NELL2: variants seen among roughly 807,000 people sequenced by gnomAD.
NELL2 encodes neural EGFL like 2.
NELL2 carries 41 observed loss-of-function variants against 109.6 expected under a neutral mutation model. The observed-to-expected ratio is 0.37, with a 90% CI of 0.29 to 0.49. The LOEUF is 0.49. Ranked by LOEUF, NELL2 falls within the 20% of genes least tolerant of loss-of-function variation. The pLI, the probability that NELL2 is intolerant of heterozygous loss-of-function variation, is 0.98. For missense variants in NELL2, 900 were observed against 1,008.3 expected (o/e 0.89, Z 1.45); for synonymous variants, 355 against 344.7 (o/e 1.03, Z -0.33).
At chr12:44,672,084 C>T (rs1187734050) in intron 12 of NELL2, among the ~76,000 whole-genome samples, 1 of 152,206 alleles carries the variant, frequency 6.6e-6, no homozygotes, top group African/African-American at 2.4e-5. Flanking sequence ...GATAGGAAAG[C>T]AGCTTCAGTG....
chr12:44,766,708 C>A (rs766221794), intron 9 of NELL2, among the ~76,000 whole-genome samples: 1 of 152,132 alleles, frequency 6.6e-6, no homozygotes, highest in South Asian at 2.1e-4. Context: ...TATTTCAAAG[C>A]CTTATGATAC....
Position 44,682,669 on chromosome 12 carries a change from A to G in NELL2, c.1319-17060T>C, listed in dbSNP as rs191962509. ...CAGTTTCCCCAGCACCATTTATTAA[A>G]TAGGGAATCCTTTCCCCATTTCTTG... is the stretch of plus-strand genomic sequence containing the variant. On this transcript the variant is annotated intron_variant, in intron 12 of 19. Coordinates refer to ENST00000429094, the MANE Select transcript of NELL2 (RefSeq NM_001145108.2). Among the ~76,000 whole-genome samples, 112 of 152,326 alleles carry G rather than the reference A, an allele frequency of 7.4e-4. 1 individual carries two copies. The highest frequency in any genetic ancestry group is 3.7e-3 in the Admixed American group (56 of 15,298).
chr12:44,753,428 C>T (rs1940743643), intron 9 of NELL2, among the ~76,000 whole-genome samples: 1 of 152,104 alleles, frequency 6.6e-6, no homozygotes, highest in African/African-American at 2.4e-5. Flanking sequence ...ACTGGTTTTT[C>T]TTTTACTATT....
chr12:44,733,838 T>C (rs2136479503), intron 9 of NELL2, among the ~76,000 whole-genome samples: 1 of 152,080 alleles, frequency 6.6e-6, no homozygotes, highest in African/African-American at 2.4e-5. Flanking sequence ...CTGCCACTGA[T>C]TTCTAGTTTA....
chr12:44,617,862 T>C (rs1024274662), intron 13 of NELL2, among the ~76,000 whole-genome samples: 4 of 152,098 alleles, frequency 2.6e-5, no homozygotes, highest in African/African-American at 9.7e-5. Context: ...CTCTTTTCCA[T>C]TTCATTTTAA....
At chr12:44,781,888 A>C (rs922601986) in intron 3 of NELL2, among the ~76,000 whole-genome samples, 3 of 152,068 alleles carry the variant, frequency 2.0e-5, no homozygotes, top group Admixed American at 1.3e-4. Flanking sequence ...CCTATTTTAA[A>C]AGAACAGCAA....
intron 2 of NELL2, 41 bp downstream of exon 2, chr12:44,875,184 G>C (rs1310395305): frequency 4.4e-6 from 7 of 1,586,762 alleles, no homozygotes; most frequent in African/African-American, 1.3e-5. Flanking sequence ...CGGGGTTATC[G>C]GAACTGAAAT....
At chr12:44,645,696 T>C (rs1421020763) in intron 13 of NELL2, among the ~76,000 whole-genome samples, 6 of 152,178 alleles carry the variant, frequency 3.9e-5, no homozygotes, top group Non-Finnish European at 2.9e-5. Context: ...GCACTTTAAA[T>C]ACCTTTTAAT....
intron 19 of NELL2, among the ~76,000 whole-genome samples, chr12:44,515,225 C>T (rs561740698): frequency 3.6e-4 from 54 of 151,850 alleles, no homozygotes; most frequent in African/African-American, 1.2e-3. Context: ...AAGAACAATA[C>T]ATTTTCTATT....
At chr12:44,769,797 A>C (rs796529491) in intron 9 of NELL2, among the ~76,000 whole-genome samples, 1 of 152,166 alleles carries the variant, frequency 6.6e-6, no homozygotes. Context: ...TCTGCAGTGG[A>C]CGTCAAAATG....
intron 2 of NELL2, among the ~76,000 whole-genome samples, chr12:44,816,717 T>C (rs577151975): frequency 9.2e-5 from 14 of 152,312 alleles, no homozygotes; most frequent in African/African-American, 2.6e-4. Flanking sequence ...TATCTCACCA[T>C]AGATATTGAA....
intron 13 of NELL2, among the ~76,000 whole-genome samples, chr12:44,619,119 G>A (rs1160220118): frequency 1.3e-5 from 2 of 152,126 alleles, no homozygotes; most frequent in African/African-American, 4.8e-5. Flanking sequence ...GAAACAGGCC[G>A]AACAGGTGGC....
intron 12 of NELL2, among the ~76,000 whole-genome samples, chr12:44,670,812 A>G (rs894206108): frequency 1.3e-5 from 2 of 152,118 alleles, no homozygotes. Context: ...AGAAAATACT[A>G]TTATAGCTAA....
chr12:44,620,806 A>G (rs1030185621), intron 13 of NELL2, among the ~76,000 whole-genome samples: 6 of 152,118 alleles, frequency 3.9e-5, no homozygotes, highest in Non-Finnish European at 7.4e-5. Flanking sequence ...TGGGCACTAA[A>G]TAGCTCTTGT....
intron 6 of NELL2, 40 bp from the exon 7 acceptor site, chr12:44,777,164 T>G (rs755670978): frequency 6.2e-7 from 1 of 1,611,358 alleles, no homozygotes; most frequent in Non-Finnish European, 8.5e-7. Context: ...GATGCATTTA[T>G]AAGGGGTTCA....
intron 2 of NELL2, among the ~76,000 whole-genome samples, chr12:44,849,585 G>A (rs1944472153): frequency 6.6e-6 from 1 of 152,182 alleles, no homozygotes; most frequent in Non-Finnish European, 1.5e-5. Flanking sequence ...TAGGTGAACT[G>A]TTTGGAAGTT....
chr12:44,636,614 T>G (rs575185554), intron 13 of NELL2, among the ~76,000 whole-genome samples: 1 of 152,324 alleles, frequency 6.6e-6, no homozygotes, highest in African/African-American at 2.4e-5. Context: ...GAACCAGCCT[T>G]GCATCCCAGG....
intron 12 of NELL2, among the ~76,000 whole-genome samples, chr12:44,671,958 A>G (rs1482612313): frequency 6.6e-6 from 1 of 152,190 alleles, no homozygotes; most frequent in Non-Finnish European, 1.5e-5. Context: ...AGCCAATTAT[A>G]AGAAACAATT....
intron 3 of NELL2, among the ~76,000 whole-genome samples, chr12:44,808,171 G>GA (rs1943066003): frequency 6.6e-6 from 1 of 152,080 alleles, no homozygotes; most frequent in South Asian, 2.1e-4. Flanking sequence ...TGACCCTGCA[G>GA]AAAGAGTGGA....
Sources: gnomAD v4.1 joint callset for allele counts (sites outside exome capture counted in the v4.1 genomes callset) on GRCh38, gnomAD v4.1.1 for gene constraint, MANE v1.5 for transcripts, NCBI Gene and HGNC (gene_info 2026-07-23, HGNC 2026-07-21) for gene names.